SLC24A3: variants seen among roughly 807,000 people sequenced by gnomAD.
The protein encoded by SLC24A3 is sodium/potassium/calcium exchanger 3.
Under a neutral mutation model 75.8 loss-of-function variants are expected in SLC24A3, and 28 were observed. That is an observed-to-expected ratio of 0.37 (90% confidence interval 0.27 to 0.51). The LOEUF (loss-of-function observed/expected upper bound fraction) is 0.51. SLC24A3 is among the 20% of genes least tolerant of loss of function. SLC24A3 has a pLI of 0.94. For missense variants in SLC24A3, 663 were observed against 847.8 expected, an observed-to-expected ratio of 0.78 and a Z score of 2.71; for synonymous variants, 372 against 334.1, an observed-to-expected ratio of 1.11 and a Z score of -1.24.
chr20:19,273,220 G>A (rs1176922219), intron 1 of SLC24A3, among the ~76,000 whole-genome samples: 1 of 152,232 alleles, frequency 6.6e-6, no homozygotes, highest in East Asian at 1.9e-4. Flanking sequence ...GCGAGGCCAT[G>A]TAGGGGTCGG....
At chr20:19,585,379 A>C in intron 5 of SLC24A3, 62 bp from the exon 6 acceptor site, 3 of 1,503,650 alleles carry the variant, frequency 2.0e-6, no homozygotes, top group Non-Finnish European at 2.8e-6. Context: ...AAGGTTCCCC[A>C]TGCCCACCTT....
At chr20:19,639,614 G>A (rs769087801) in intron 6 of SLC24A3, among the ~76,000 whole-genome samples, 30 of 152,356 alleles carry the variant, frequency 2.0e-4, no homozygotes, top group Non-Finnish European at 3.7e-4. Context: ...CTGCCAGTCC[G>A]GCGCGCTGTG....
At chr20:19,384,260 A>G (rs998342023) in intron 2 of SLC24A3, among the ~76,000 whole-genome samples, 4 of 152,218 alleles carry the variant, frequency 2.6e-5, no homozygotes, top group Non-Finnish European at 5.9e-5. Context: ...TCATCATGCT[A>G]TACGTTAAAT....
At chr20:19,296,937 A>G (rs1280553803) in intron 2 of SLC24A3, among the ~76,000 whole-genome samples, 1 of 152,206 alleles carries the variant, frequency 6.6e-6, no homozygotes, top group Non-Finnish European at 1.5e-5. Context: ...TTTTTTATCC[A>G]CAATTGGTTG....
chr20:19,477,705 A>G (rs1006405024), intron 2 of SLC24A3, among the ~76,000 whole-genome samples: 6 of 152,144 alleles, frequency 3.9e-5, no homozygotes, highest in African/African-American at 1.2e-4. Context: ...TAAAGTGTCG[A>G]TGACATCCCA....
intron 1 of SLC24A3, among the ~76,000 whole-genome samples, chr20:19,217,434 G>A (rs1044875631): frequency 2.6e-5 from 4 of 152,128 alleles, no homozygotes; most frequent in African/African-American, 9.7e-5. Context: ...AACATATATA[G>A]ACAAACATAC....
intron 6 of SLC24A3, among the ~76,000 whole-genome samples, chr20:19,642,861 G>A (rs4814879): frequency 0.64 from 97,356 of 152,100 alleles, 31,969 homozygotes; most frequent in African/African-American, 0.75. Flanking sequence ...GTCCAACACA[G>A]ATCAAACCTA....
At chr20:19,672,005 G>A (rs530968112) in intron 8 of SLC24A3, among the ~76,000 whole-genome samples, 31 of 152,214 alleles carry the variant, frequency 2.0e-4, no homozygotes, top group African/African-American at 7.5e-4. Context: ...TTTATGAAGC[G>A]GGGCAGATGA....
intron 2 of SLC24A3, among the ~76,000 whole-genome samples, chr20:19,486,106 C>T (rs1988123663): frequency 6.6e-6 from 1 of 152,162 alleles, no homozygotes; most frequent in Non-Finnish European, 1.5e-5. Context: ...CAGGTTCACT[C>T]ACCAGCATGC....
intron 6 of SLC24A3, among the ~76,000 whole-genome samples, chr20:19,621,256 A>G (rs1295984711): frequency 4.6e-5 from 7 of 152,066 alleles, no homozygotes; most frequent in African/African-American, 1.7e-4. Flanking sequence ...ATCTCCAGAG[A>G]CTGACATTAT....
At chr20:19,375,198 C>G (rs1324614990) in intron 2 of SLC24A3, among the ~76,000 whole-genome samples, 2 of 152,192 alleles carry the variant, frequency 1.3e-5, no homozygotes, top group Non-Finnish European at 2.9e-5. Context: ...TTCCTGGGCA[C>G]CAAATCCTGG....
chr20:19,369,992 A>T (rs1014382208), intron 2 of SLC24A3, among the ~76,000 whole-genome samples: 2 of 152,316 alleles, frequency 1.3e-5, no homozygotes, highest in South Asian at 4.1e-4. Context: ...CTTGACTGGG[A>T]TGTGGGTTAC....
intron 1 of SLC24A3, among the ~76,000 whole-genome samples, chr20:19,247,679 T>C (rs1245427010): frequency 6.6e-6 from 1 of 152,242 alleles, no homozygotes; most frequent in African/African-American, 2.4e-5. Context: ...TACAAAAGAA[T>C]GTGACTATTT....
chr20:19,448,480 T>C (rs2122478110), intron 2 of SLC24A3, among the ~76,000 whole-genome samples: 1 of 152,326 alleles, frequency 6.6e-6, no homozygotes, highest in Middle Eastern at 3.4e-3. Flanking sequence ...CACCGTGTTT[T>C]CCCAGGTGTC....
Position 19,685,216 on chromosome 20 carries a change from G to A in SLC24A3, c.1179G>A (p.Arg393=). The part of the protein sequence containing the change: ...NGTGPSSAPD[R]GVNGTRRDDV... The stretch of plus-strand genomic sequence containing the variant: ...CAGGGCCCAGCAGTGCCCCAGACAG[G>A]GGCGTGAATGGGACACGGAGGGACG... Residue 393 remains arginine (R), a synonymous_variant, in exon 12 of 17, where the codon AGG becomes AGA. Coordinates refer to ENST00000328041, the MANE Select transcript of SLC24A3 (RefSeq NM_020689.4). 2 of 1,614,184 alleles carry A rather than the reference G, an allele frequency of 1.2e-6. No individual in the cohort carries two copies. Among genetic ancestry groups the A allele is most frequent in the Non-Finnish European group, 1.7e-6 (2 of 1,180,044 alleles).
intron 2 of SLC24A3, among the ~76,000 whole-genome samples, chr20:19,378,738 C>T (rs1289262434): frequency 6.6e-6 from 1 of 152,104 alleles, no homozygotes; most frequent in Admixed American, 6.5e-5. Context: ...CTTCATTTTG[C>T]AAGTATGTAT....
At chr20:19,466,294 G>GATGC (rs1371890753) in intron 2 of SLC24A3, among the ~76,000 whole-genome samples, 4 of 152,138 alleles carry the variant, frequency 2.6e-5, no homozygotes, top group Admixed American at 2.6e-4. Flanking sequence ...CACAGGAAAG[G>GATGC]ATGCTGCAGA....
intron 2 of SLC24A3, among the ~76,000 whole-genome samples, chr20:19,339,139 A>G (rs891724745): frequency 1.3e-5 from 2 of 152,152 alleles, no homozygotes; most frequent in Non-Finnish European, 2.9e-5. Flanking sequence ...ATTAATTTGA[A>G]TGCTTCCAGA....
chr20:19,255,702 A>G (rs75500421), intron 1 of SLC24A3, among the ~76,000 whole-genome samples: 2,537 of 152,296 alleles, frequency 0.017, 71 homozygotes, highest in African/African-American at 0.057. Context: ...ATGGCAACCG[A>G]GCACTTGCAA....
Sources: allele counts gnomAD v4.1 joint callset (sites outside exome capture counted in the v4.1 genomes callset), GRCh38; gene constraint gnomAD v4.1.1; transcripts MANE v1.5; gene names NCBI Gene and HGNC (gene_info 2026-07-23, HGNC 2026-07-21).